TAF2: variants seen among roughly 807,000 people sequenced by gnomAD.
The protein encoded by TAF2 is TATA-box binding protein associated factor 2.
A neutral mutation model predicts 138.5 loss-of-function variants in TAF2; 61 were observed. That is an observed-to-expected ratio of 0.44 (90% CI 0.36 to 0.54). TAF2 has a LOEUF of 0.54. TAF2 is among the 20% of genes least tolerant of loss of function. The pLI is 0.00. For missense variants in TAF2, 1,090 were observed against 1,427.9 expected, an observed-to-expected ratio of 0.76 and a Z score of 3.81; for synonymous variants, 475 against 469.9, an observed-to-expected ratio of 1.01 and a Z score of -0.14.
At chr8:119,819,586 A>T in intron 2 of TAF2, 80 bp from the exon 3 acceptor site, 1 of 1,190,854 alleles carries the variant, frequency 8.4e-7, no homozygotes, top group Non-Finnish European at 1.2e-6. Flanking sequence ...TACCACTTGT[A>T]CACATATTAT....
chr8:119,819,063 A>G (rs1046203298), intron 3 of TAF2, among the ~76,000 whole-genome samples: 1 of 152,200 alleles, frequency 6.6e-6, no homozygotes, highest in Non-Finnish European at 1.5e-5. Flanking sequence ...ATAATTAAGA[A>G]AAACACTGAA....
chr8:119,811,701 G>A (rs966245517), intron 3 of TAF2, among the ~76,000 whole-genome samples: 14 of 150,400 alleles, frequency 9.3e-5, no homozygotes, highest in African/African-American at 3.4e-4. Context: ...AGCTACTCGG[G>A]AGGCTGAGGC....
Position 119,783,543 on chromosome 8 carries a change from C to T in TAF2, c.1950G>A (p.Gln650=), listed in dbSNP as rs1306602704. Reference sequence around the variant, plus strand: ...CATCTCTCTCATAGCGGAGCTGATACTGCCACATAAAATCAGCTTGCTCAA... The same window carrying T: ...CATCTCTCTCATAGCGGAGCTGATATTGCCACATAAAATCAGCTTGCTCAA... ...VEFEQADFMW[Q]YQLRYERDVV... is the part of the protein sequence containing the mutation. Residue 650 remains glutamine (Q), a synonymous_variant, in exon 16 of 26, where the codon CAG becomes CAA. Transcript: ENST00000378164. 6.2e-7 allele frequency: 1 copy of T among 1,614,142 alleles called. No individual in the cohort carries two copies. The highest frequency in any genetic ancestry group is 1.1e-5 in the South Asian group (1 of 91,074).
At position 119,744,386 on chromosome 8, in the gene TAF2, C is replaced by G; in HGVS notation, c.3116G>C (p.Ser1039Thr). The change falls in exon 24 of 26, where the codon AGT becomes ACT. Residue 1039 changes from serine (S) to threonine (T), a missense_variant. By Grantham distance (58) the Ser-to-Thr change is moderately conservative. Around this residue, in one of 3 missense-constraint regions of TAF2, gnomAD observed 580 missense variants for 719.6 expected, o/e 0.81. Transcript: ENST00000378164. The stretch of plus-strand genomic sequence containing the variant: ...ATCAATCTCCTCCTCATCTTGAGAA[C>G]TGGAAAACTAAAACACACACACATA... ...QLVGFQNPFS[S>T]SQDEEEIDMD... is the part of the protein sequence containing the mutation. 1 of 1,613,034 alleles carries G rather than the reference C, an allele frequency of 6.2e-7. No homozygotes were observed. The highest frequency in any genetic ancestry group is 1.1e-5 in the South Asian group (1 of 91,066).
At chr8:119,819,570 T>G in intron 2 of TAF2, 64 bp from the exon 3 acceptor site, 1 of 1,363,468 alleles carries the variant, frequency 7.3e-7, no homozygotes, top group Non-Finnish European at 1.0e-6. Context: ...ATATTTCTTT[T>G]ATTTTTACCA....
At chr8:119,746,148 G>A (rs1027319981) in intron 23 of TAF2, among the ~76,000 whole-genome samples, 2 of 151,984 alleles carry the variant, frequency 1.3e-5, no homozygotes, top group Non-Finnish European at 2.9e-5. Context: ...ACGGTGGGTG[G>A]ATCACCTGAG....
intron 25 of TAF2, among the ~76,000 whole-genome samples, chr8:119,738,833 C>T (rs775762779): frequency 9.9e-5 from 15 of 152,012 alleles, no homozygotes; most frequent in African/African-American, 1.7e-4. Flanking sequence ...AAATTTAACA[C>T]AAAACCTGCA....
At chr8:119,799,826 T>G (rs1396015404) in intron 6 of TAF2, among the ~76,000 whole-genome samples, 2 of 152,234 alleles carry the variant, frequency 1.3e-5, no homozygotes, top group African/African-American at 4.8e-5. Context: ...GTTTCCTGAC[T>G]TTTTACTGAT....
At chr8:119,811,569 G>A (rs1825057427) in intron 3 of TAF2, among the ~76,000 whole-genome samples, 1 of 152,068 alleles carries the variant, frequency 6.6e-6, no homozygotes, top group Non-Finnish European at 1.5e-5. Flanking sequence ...CACTTTGGGA[G>A]GCCGAGGCGG....
chr8:119,818,434 G>A (rs1312855012), intron 3 of TAF2, among the ~76,000 whole-genome samples: 1 of 152,092 alleles, frequency 6.6e-6, no homozygotes, highest in Non-Finnish European at 1.5e-5. Flanking sequence ...AAGAATCACA[G>A]AAATGATATA....
chr8:119,741,067 A>G (rs1195245781), intron 25 of TAF2, among the ~76,000 whole-genome samples: 1 of 152,190 alleles, frequency 6.6e-6, no homozygotes, highest in Non-Finnish European at 1.5e-5. Flanking sequence ...CAGTCTTCCC[A>G]TATGATGCCA....
At chr8:119,817,920 A>G (rs1030201880) in intron 3 of TAF2, among the ~76,000 whole-genome samples, 2 of 152,196 alleles carry the variant, frequency 1.3e-5, no homozygotes, top group African/African-American at 4.8e-5. Context: ...TAATTTTGTA[A>G]TAAGTCTTTT....
rs184103781 is a variant in TAF2 at position 119,772,884 on chromosome 8, C to G, written c.2364+5135G>C. On this transcript the variant is annotated intron_variant, in intron 18 of 25. Transcript: ENST00000378164. ...CCCAGGAGGTGGAGGTTGCAGTGAG[C>G]CGAGATCATGCCACTGCACTCCAGT... 5.8e-4 allele frequency among the ~76,000 whole-genome samples: 88 copies of G among 151,022 alleles called. 3 individuals carry two copies. Among genetic ancestry groups the G allele is most frequent in the Admixed American group, 4.7e-3 (70 of 15,002 alleles).
In TAF2 at chr8:119,742,552, G is replaced by A. The variant is rs1017057603; in HGVS notation, c.3319C>T (p.Leu1107Phe). ...PTTKPQWSLE[L>F]ARKGTGKEQA... is the part of the protein sequence containing the mutation. ...TTTTTACCTGTTCCCTTCCGTGCAAGTTCCAAACTCCACTGGGGTTTTGTG... is the reference window on the plus strand; with the variant it reads ...TTTTTACCTGTTCCCTTCCGTGCAAATTCCAAACTCCACTGGGGTTTTGTG... Residue 1107 changes from leucine (L) to phenylalanine (F), a missense_variant, in exon 25 of 26, where the codon CTT (leucine) becomes TTT (phenylalanine). Coordinates refer to ENST00000378164, the MANE Select transcript of TAF2 (RefSeq NM_003184.4). 1.4e-5 allele frequency: 22 copies of A among 1,613,836 alleles called. No individual in the cohort carries two copies. The highest frequency in any genetic ancestry group is 1.9e-5 in the Non-Finnish European group (22 of 1,179,976).
At chr8:119,778,194 G>T in intron 17 of TAF2, 65 bp from the exon 18 acceptor site, 2 of 966,824 alleles carry the variant, frequency 2.1e-6, no homozygotes, top group South Asian at 1.4e-5. Context: ...ACAATTCATT[G>T]AACTATAAAT....
At position 119,832,640 on chromosome 8, in the gene TAF2, C is replaced by T; in HGVS notation, c.-76G>A. On this transcript the variant is annotated 5_prime_UTR_variant, in exon 1 of 26. It adds an upstream start codon to the 5' untranslated region. Coordinates refer to ENST00000378164, the MANE Select transcript of TAF2 (RefSeq NM_003184.4). ...CATTACTAGTCTTTGGCACCTCACACTCTCCACTCCCCTGCGGTCCCCAAG... is the reference window on the plus strand; with the variant it reads ...CATTACTAGTCTTTGGCACCTCACATTCTCCACTCCCCTGCGGTCCCCAAG... The T allele has an allele frequency of 1.4e-6, 2 of 1,400,592 alleles. No homozygotes were observed. The highest frequency in any genetic ancestry group is 2.0e-6 in the Non-Finnish European group (2 of 1,008,212). The allele number at this position is 1,400,592 out of a possible 1,614,324, so 86.8% of individuals were successfully genotyped here.
intron 8 of TAF2, among the ~76,000 whole-genome samples, 196 bp from the exon 9 acceptor site, chr8:119,795,827 C>T (rs764418847): frequency 3.9e-5 from 6 of 152,014 alleles, no homozygotes; most frequent in Admixed American, 2.0e-4. Flanking sequence ...TCACACCTGC[C>T]TTTACCTTTC....
chr8:119,804,073 T>C, intron 4 of TAF2, 54 bp from the exon 5 acceptor site: 1 of 1,589,944 alleles, frequency 6.3e-7, no homozygotes, highest in Non-Finnish European at 8.6e-7. Context: ...GTGGTCTATA[T>C]AATAAAGACA....
At chr8:119,829,544 T>C (rs1826309605) in intron 2 of TAF2, among the ~76,000 whole-genome samples, 1 of 152,064 alleles carries the variant, frequency 6.6e-6, no homozygotes, top group Non-Finnish European at 1.5e-5. Context: ...TGTGTGTGTA[T>C]ATATATGTAT....
Sources: gnomAD v4.1 joint callset for allele counts (sites outside exome capture counted in the v4.1 genomes callset) on GRCh38, gnomAD v4.1.1 for gene constraint, gnomAD v4.1.1 regional missense constraint, MANE v1.5 for transcripts, NCBI Gene and HGNC (gene_info 2026-07-23, HGNC 2026-07-21) for gene names.